The following MRO variants were observed in gnomAD, a reference collection of about 807,000 sequenced individuals.
MRO encodes maestro, also known as protein maestro.
Under a neutral mutation model 31.0 loss-of-function variants are expected in MRO, and 28 were observed. The ratio of observed to expected loss-of-function variants is 0.90; its 90% CI spans 0.67 to 1.24. The LOEUF (loss-of-function observed/expected upper bound fraction) is 1.24, where lower values mean the gene tolerates loss of function less well. MRO is among the 50% of genes most tolerant of loss of function. The pLI, the probability that MRO is intolerant of heterozygous loss-of-function variation, is 0.00. For missense variants in MRO, 332 were observed against 289.2 expected (o/e 1.15, Z -1.07); for synonymous variants, 108 against 108.4 (o/e 1.00, Z 0.02).
chr18:50,802,535 C>T (rs967386659), intron 5 of MRO, among the ~76,000 whole-genome samples: 1 of 152,066 alleles, frequency 6.6e-6, no homozygotes, highest in Non-Finnish European at 1.5e-5. Flanking sequence ...TAGTCTAAGT[C>T]CTCCTCCAGG....
At chr18:50,816,621 A>G (rs1312594402) in intron 2 of MRO, among the ~76,000 whole-genome samples, 1 of 152,186 alleles carries the variant, frequency 6.6e-6, no homozygotes, top group African/African-American at 2.4e-5. Flanking sequence ...TATTCTCCCC[A>G]TTTCCAAACC....
In MRO at chr18:50,798,962, A is replaced by G; in HGVS notation, c.*375T>C. The stretch of plus-strand genomic sequence containing the variant: ...AAACAAAAAAACGCTTAAGGTAACA[A>G]GTATTCTCCTAAGCCTCAGAAATTG... On this transcript the variant is annotated 3_prime_UTR_variant, in exon 8 of 8. Coordinates refer to ENST00000398439, the MANE Select transcript of MRO (RefSeq NM_031939.6). 6.1e-6 allele frequency: 1 copy of G among 163,148 alleles called. No homozygotes were observed. Among genetic ancestry groups the G allele is most frequent in the Non-Finnish European group, 1.3e-5 (1 of 75,520 alleles). The allele number at this position is 163,148 out of a possible 1,614,324, so 10.1% of individuals were successfully genotyped here.
chr18:50,818,523 G>C (rs909789695), intron 2 of MRO, among the ~76,000 whole-genome samples: 2 of 152,266 alleles, frequency 1.3e-5, no homozygotes, highest in Admixed American at 1.3e-4. Flanking sequence ...ACATGGATTT[G>C]GGGTAACTTA....
chr18:50,824,904 G>A (rs999785043), upstream of MRO, among the ~76,000 whole-genome samples: 5 of 150,754 alleles, frequency 3.3e-5, no homozygotes, highest in African/African-American at 1.2e-4. Context: ...GTGAAACCCT[G>A]TCTCCACTAA....
At chr18:50,817,009 T>C (rs1224721797) in intron 2 of MRO, among the ~76,000 whole-genome samples, 1 of 152,132 alleles carries the variant, frequency 6.6e-6, no homozygotes, top group Admixed American at 6.5e-5. Context: ...CAAGGCAACT[T>C]CCCCAGGCTT....
intron 6 of MRO, 24 bp from the exon 7 acceptor site, chr18:50,800,167 T>A: frequency 6.6e-7 from 1 of 1,508,138 alleles, no homozygotes; most frequent in Non-Finnish European, 9.2e-7. Flanking sequence ...TATTACTATT[T>A]TATTTATTAG....
intron 2 of MRO, among the ~76,000 whole-genome samples, chr18:50,813,154 G>A (rs1914609327): frequency 6.6e-6 from 1 of 152,166 alleles, no homozygotes; most frequent in Admixed American, 6.5e-5. Context: ...CTCCCTGGGT[G>A]GATTTGGTCC....
Position 50,805,169 on chromosome 18 carries a change from C to A in MRO, c.414G>T (p.Arg138Ser), listed in dbSNP as rs1249897689. 1.2e-6 allele frequency: 2 copies of A among 1,612,304 alleles called. No individual in the cohort carries two copies. The highest frequency in any genetic ancestry group is 1.7e-6 in the Non-Finnish European group (2 of 1,178,508). The change falls in exon 5 of 8, where the codon AGG (arginine) becomes AGT (serine). Residue 138 changes from arginine to serine, a missense_variant. Coordinates refer to ENST00000398439, the MANE Select transcript of MRO (RefSeq NM_031939.6). ...SFFIDITLQT[R>S]TLLDDENDSL... is the part of the protein sequence containing the mutation. Reference sequence around the variant, plus strand: ...ATTTACTTACGTCATCTAATAAAGTCCTGGTCTGAAGGGTGATATCTATGA... The same window carrying A: ...ATTTACTTACGTCATCTAATAAAGTACTGGTCTGAAGGGTGATATCTATGA...
upstream of MRO, among the ~76,000 whole-genome samples, chr18:50,822,482 C>T (rs1440170178): frequency 6.6e-6 from 1 of 152,022 alleles, no homozygotes; most frequent in Non-Finnish European, 1.5e-5. Flanking sequence ...GGACTACAGG[C>T]GCCTGCCACC....
upstream of MRO, among the ~76,000 whole-genome samples, chr18:50,820,730 G>A (rs1915270937): frequency 2.0e-5 from 3 of 152,214 alleles, no homozygotes; most frequent in Admixed American, 2.0e-4. Context: ...CTTGACAAAG[G>A]TCATGCAGTT....
chr18:50,805,560 G>A (rs1913839734), intron 4 of MRO, among the ~76,000 whole-genome samples: 1 of 152,140 alleles, frequency 6.6e-6, no homozygotes, highest in Non-Finnish European at 1.5e-5. Context: ...TCTGGAGTGT[G>A]GCATGTGGGT....
Position 50,803,647 on chromosome 18 carries a change from C to T in MRO, c.429+1507G>A, listed in dbSNP as rs116443732. Among the ~76,000 whole-genome samples the T allele has an allele frequency of 5.6e-3, 848 of 152,334 alleles. 6 individuals are homozygous for T. The highest frequency in any genetic ancestry group is 0.019 in the African/African-American group (800 of 41,574). On this transcript the variant is annotated intron_variant, in intron 5 of 7. Transcript: ENST00000398439. ...GTAGGGACCTTCGCCCGCTCCCTCC[C>T]CAGAGAGGACTGGCTTACATTCAAG...
At chr18:50,807,491 C>G (rs1460378225) in intron 3 of MRO, among the ~76,000 whole-genome samples, 1 of 152,150 alleles carries the variant, frequency 6.6e-6, no homozygotes, top group Non-Finnish European at 1.5e-5. Flanking sequence ...TAGTACACAT[C>G]TACAAACATT....
chr18:50,812,599 G>A (rs2144647874), intron 2 of MRO, among the ~76,000 whole-genome samples: 1 of 152,224 alleles, frequency 6.6e-6, no homozygotes, highest in East Asian at 1.9e-4. Context: ...CTAAGGTCAT[G>A]AAGATTTACC....
intron 2 of MRO, chr18:50,815,292 A>G: frequency 3.7e-6 from 1 of 268,374 alleles, no homozygotes; most frequent in South Asian, 5.0e-5. Context: ...TTGGCTGGTC[A>G]TGGAGGAAAC....
intron 2 of MRO, among the ~76,000 whole-genome samples, chr18:50,809,837 C>T (rs962046665): frequency 2.6e-5 from 4 of 152,182 alleles, no homozygotes; most frequent in African/African-American, 7.2e-5. Flanking sequence ...TTAAAGCACA[C>T]GTAATAGGCA....
chr18:50,812,528 G>A (rs1914559362), intron 2 of MRO, among the ~76,000 whole-genome samples: 1 of 152,050 alleles, frequency 6.6e-6, no homozygotes. Flanking sequence ...AGTCCAATTT[G>A]TCTATTTTTG....
At position 50,819,616 on chromosome 18, in the gene MRO, C is replaced by A; in HGVS notation, c.-40G>T. ...TGCAGGCGGCTGCCACGTGATGAAC[C>A]GGAGCCCGTTCCTGACTCGGGAGGG... is the stretch of plus-strand genomic sequence containing the variant. On this transcript the variant is annotated 5_prime_UTR_variant, in exon 2 of 8. Coordinates refer to ENST00000398439, the MANE Select transcript of MRO (RefSeq NM_031939.6). 1 of 1,551,600 alleles carries A rather than the reference C, an allele frequency of 6.4e-7. No individual in the cohort carries two copies. The highest frequency in any genetic ancestry group is 8.7e-7 in the Non-Finnish European group (1 of 1,146,962).
chr18:50,805,403 C>T (rs1298655150), intron 4 of MRO, 67 bp from the exon 5 acceptor site: 3 of 1,276,358 alleles, frequency 2.4e-6, no homozygotes, highest in African/African-American at 3.0e-5. Flanking sequence ...AAAGCAACCC[C>T]ACATCTAAGC....
Sources: allele counts gnomAD v4.1 joint callset (sites outside exome capture counted in the v4.1 genomes callset), GRCh38; gene constraint gnomAD v4.1.1; transcripts MANE v1.5; gene names NCBI Gene and HGNC (gene_info 2026-07-23, HGNC 2026-07-21).